Variants in RBM33 observed in about 807,000 individuals in gnomAD.
RBM33 encodes the protein RNA binding motif protein 33.
RBM33 carries 28 observed loss-of-function variants against 132.6 expected under a neutral mutation model. The observed-to-expected ratio is 0.21, with a 90% confidence interval of 0.16 to 0.29. The LOEUF (loss-of-function observed/expected upper bound fraction) is 0.29, where lower values mean the gene tolerates loss of function less well. RBM33 is among the 10% of genes least tolerant of loss of function. The pLI, the probability that RBM33 is intolerant of heterozygous loss-of-function variation, is 1.00. For missense variants in RBM33, 1,291 were observed against 1,518.5 expected, an observed-to-expected ratio of 0.85 and a Z score of 2.49; for synonymous variants, 634 against 593.0, an observed-to-expected ratio of 1.07 and a Z score of -1.01.
chr7:155,681,306 A>G (rs950310782), intron 5 of RBM33, among the ~76,000 whole-genome samples: 2 of 152,234 alleles, frequency 1.3e-5, no homozygotes, highest in Admixed American at 6.5e-5. Context: ...TAAGGTGCTA[A>G]TATTCCAGAG....
rs548669264 is a variant in RBM33, at chr7:155,738,271, A to G, written c.1605A>G (p.Pro535=). 31 of 1,613,970 alleles carry G rather than the reference A, an allele frequency of 1.9e-5. No homozygotes were observed. In the South Asian group the frequency reaches 3.2e-4, roughly 17 times the overall value. The part of the protein sequence containing the change: ...ERPVRPALQP[P]GPVGILHFSQ... ...CCGTACGACCAGCCTTGCAGCCTCCAGGTCCGGTGGGGATTCTGCACTTTA... is the reference window on the plus strand; with the variant it reads ...CCGTACGACCAGCCTTGCAGCCTCCGGGTCCGGTGGGGATTCTGCACTTTA... Residue 535 remains proline, a synonymous_variant, in exon 11 of 18, where the codon CCA becomes CCG. Coordinates refer to ENST00000401878, the MANE Select transcript of RBM33 (RefSeq NM_053043.3).
At chr7:155,690,182 AGT>A (rs1037348030) in intron 5 of RBM33, among the ~76,000 whole-genome samples, 1 of 152,176 alleles carries the variant, frequency 6.6e-6, no homozygotes, top group Non-Finnish European at 1.5e-5. Flanking sequence ...TGTGTAGGAT[AGT>A]TAGCTCTTCT....
At chr7:155,680,272 A>G (rs915076711) in intron 4 of RBM33, among the ~76,000 whole-genome samples, 1 of 152,130 alleles carries the variant, frequency 6.6e-6, no homozygotes, top group Non-Finnish European at 1.5e-5. Flanking sequence ...TGCCACTCAG[A>G]TGTGTTTCAT....
chr7:155,673,940 G>GTTGTTTTTTGTTTTTGTTTTTTTTTTTT, intron 3 of RBM33, among the ~76,000 whole-genome samples: 2 of 54,214 alleles, frequency 3.7e-5, no homozygotes, highest in Admixed American at 2.6e-4. Context: ...TTTAGGCTTA[G>GTTGTTTTTTGTTTTTGTTTTTTTTTTTT]TTTTTTTTTT....
At chr7:155,662,162 T>C (rs1429411426) in intron 1 of RBM33, among the ~76,000 whole-genome samples, 2 of 152,154 alleles carry the variant, frequency 1.3e-5, no homozygotes, top group Non-Finnish European at 2.9e-5. Context: ...ATGGTTGTCA[T>C]GGCTTTGATT....
intron 1 of RBM33, among the ~76,000 whole-genome samples, chr7:155,652,708 G>T (rs1798388997): frequency 6.6e-6 from 1 of 152,138 alleles, no homozygotes; most frequent in African/African-American, 2.4e-5. Flanking sequence ...GATTTTCCAG[G>T]TAAGGAGGTC....
intron 9 of RBM33, among the ~76,000 whole-genome samples, chr7:155,727,731 C>CCAATAGCAT (rs1800833301): frequency 6.6e-6 from 1 of 152,218 alleles, no homozygotes; most frequent in Non-Finnish European, 1.5e-5. Flanking sequence ...TCCCTTCTGT[C>CCAATAGCAT]CAATAGCATC....
chr7:155,762,456 C>T (rs144968060), intron 14 of RBM33, among the ~76,000 whole-genome samples: 1 of 152,300 alleles, frequency 6.6e-6, no homozygotes, highest in African/African-American at 2.4e-5. Context: ...CCAGAGTCCT[C>T]AAATGTTGTT....
At chr7:155,744,830 A>C (rs1388370061) in intron 13 of RBM33, 131 bp from the exon 14 acceptor site, 5 of 914,024 alleles carry the variant, frequency 5.5e-6, no homozygotes. Context: ...GTCTTCAAAC[A>C]GATTTTGAGT....
At position 155,774,388 on chromosome 7, in the gene RBM33, C is replaced by T. The variant is rs143397158; in HGVS notation, c.3376-171C>T. ...AAAGCACTGTTTTGGAGTAGATTAT[C>T]TAGATAAGTAAGACAAATTGCCAGG... On this transcript the variant is annotated intron_variant, in intron 16 of 17. Coordinates refer to ENST00000401878, the MANE Select transcript of RBM33 (RefSeq NM_053043.3). This position sits in a 1 kb window ranked among gnomAD's most constrained non-coding sequence, Gnocchi z 4.2. Among the ~76,000 whole-genome samples the T allele has an allele frequency of 7.0e-3, 1,066 of 152,230 alleles. 17 individuals carry two copies. Among genetic ancestry groups the T allele is most frequent in the African/African-American group, 0.024 (1,002 of 41,536 alleles).
intron 6 of RBM33, among the ~76,000 whole-genome samples, chr7:155,706,499 G>A (rs1279303968): frequency 6.6e-6 from 1 of 152,064 alleles, no homozygotes; most frequent in African/African-American, 2.4e-5. Context: ...GTCTCGGGGG[G>A]AAAAAGGATG....
At chr7:155,688,059 C>T (rs1474946540) in intron 5 of RBM33, among the ~76,000 whole-genome samples, 2 of 152,146 alleles carry the variant, frequency 1.3e-5, no homozygotes, top group African/African-American at 4.8e-5. Flanking sequence ...CTATAAATTA[C>T]CTTGGACAGT....
chr7:155,738,257 G>C lies in RBM33; in HGVS notation c.1591G>C (p.Ala531Pro), dbSNP rs748370322. 6.2e-7 allele frequency: 1 copy of C among 1,613,976 alleles called. No homozygotes were observed. The highest frequency in any genetic ancestry group is 1.1e-5 in the South Asian group (1 of 91,080). The change falls in exon 11 of 18, where the codon GCC becomes CCC. Residue 531 changes from alanine (A) to proline (P), a missense_variant. By Grantham distance (27) the Ala-to-Pro change is conservative (BLOSUM62 -1). Around this residue, in one of 7 missense-constraint regions of RBM33, gnomAD observed 841 missense variants for 912.0 expected, o/e 0.92. Coordinates refer to ENST00000401878, the MANE Select transcript of RBM33 (RefSeq NM_053043.3). ...CCCAAGAGAGCGGCCCGTACGACCA[G>C]CCTTGCAGCCTCCAGGTCCGGTGGG... ...VFPRERPVRP[A>P]LQPPGPVGIL...
At chr7:155,684,958 G>A in intron 5 of RBM33, 1 of 1,550,532 alleles carries the variant, frequency 6.4e-7, no homozygotes, top group Non-Finnish European at 8.7e-7. Flanking sequence ...CAGGCTTATG[G>A]TGGGCAACAA....
chr7:155,700,546 CTTTTTTTTTTTTTT>C (rs529323301), intron 5 of RBM33, among the ~76,000 whole-genome samples: 24 of 85,600 alleles, frequency 2.8e-4, no homozygotes, highest in South Asian at 5.8e-4. Context: ...AGAATTTGAC[CTTTTTTTTTTTTTT>C]TTTTTTTTTT....
At chr7:155,682,554 A>G (rs1799365509) in intron 5 of RBM33, among the ~76,000 whole-genome samples, 1 of 152,224 alleles carries the variant, frequency 6.6e-6, no homozygotes, top group Non-Finnish European at 1.5e-5. Flanking sequence ...GTAAAGTAAG[A>G]TGATTGGCTA....
intron 7 of RBM33, 99 bp from the exon 8 acceptor site, chr7:155,711,104 T>G: frequency 7.1e-7 from 1 of 1,403,176 alleles, no homozygotes; most frequent in Non-Finnish European, 9.3e-7. Context: ...AGTGTAAATT[T>G]GTAACACATC....
intron 9 of RBM33, among the ~76,000 whole-genome samples, chr7:155,734,088 G>A (rs1475507287): frequency 6.6e-6 from 1 of 152,212 alleles, no homozygotes; most frequent in Non-Finnish European, 1.5e-5. Flanking sequence ...ACTAGTGCCA[G>A]CCAGATTTAC....
intron 5 of RBM33, among the ~76,000 whole-genome samples, chr7:155,687,402 A>G (rs1799512261): frequency 6.6e-6 from 1 of 152,206 alleles, no homozygotes; most frequent in South Asian, 2.1e-4. Context: ...GTAGATTGCA[A>G]AAATTTTCTC....
Sources: allele counts gnomAD v4.1 joint callset (sites outside exome capture counted in the v4.1 genomes callset), GRCh38; gene constraint gnomAD v4.1.1; regional missense constraint gnomAD v4.1.1; non-coding constraint Gnocchi (gnomAD v3.1); transcripts MANE v1.5; gene names NCBI Gene and HGNC (gene_info 2026-07-23, HGNC 2026-07-21).